The following SEMA6D variants were observed in gnomAD, a reference collection of about 807,000 sequenced individuals.
SEMA6D encodes the protein semaphorin-6D.
Under a neutral mutation model 106.6 loss-of-function variants are expected in SEMA6D, and 35 were observed. That is an observed-to-expected ratio of 0.33 (90% confidence interval 0.25 to 0.44). The LOEUF (loss-of-function observed/expected upper bound fraction) is 0.44. SEMA6D is among the 20% of genes least tolerant of loss of function. SEMA6D has a pLI of 1.00. For synonymous variants in SEMA6D, 499 were observed against 487.7 expected, an observed-to-expected ratio of 1.02 and a Z score of -0.31; for missense variants, 1,185 against 1,345.9, an observed-to-expected ratio of 0.88 and a Z score of 1.87.
At chr15:47,505,168 T>C (rs2043999892) in intron 3 of SEMA6D, among the ~76,000 whole-genome samples, 1 of 152,030 alleles carries the variant, frequency 6.6e-6, no homozygotes, top group South Asian at 2.1e-4. Context: ...GAAAGGACCA[T>C]AAATATGCTC....
intron 1 of SEMA6D, among the ~76,000 whole-genome samples, chr15:47,280,037 C>T: frequency 6.6e-6 from 1 of 150,926 alleles, no homozygotes; most frequent in African/African-American, 2.4e-5. Flanking sequence ...TGATGCTGGC[C>T]TCATAAAATG....
intron 2 of SEMA6D, among the ~76,000 whole-genome samples, chr15:47,414,978 C>A (rs566533581): frequency 6.6e-6 from 1 of 152,220 alleles, no homozygotes; most frequent in East Asian, 1.9e-4. Flanking sequence ...TTACTCTATT[C>A]TCTGTAGACT....
In SEMA6D at chr15:47,325,242, C is replaced by T. The variant is rs1004004320; in HGVS notation, c.-238-87151C>T. Reference sequence around the variant, plus strand: ...AGGCTGGAGTGCAGTGGCGCCATCTCGGCTCACTGCAACCTCCACCTCCCG... The same window carrying T: ...AGGCTGGAGTGCAGTGGCGCCATCTTGGCTCACTGCAACCTCCACCTCCCG... On this transcript the variant is annotated intron_variant, in intron 1 of 19. Coordinates refer to the SEMA6D transcript ENST00000558014. 5.8e-4 allele frequency among the ~76,000 whole-genome samples: 88 copies of T among 151,720 alleles called. 1 individual carries two copies. Among genetic ancestry groups the T allele is most frequent in the Middle Eastern group, 3.2e-3 (1 of 312 alleles).
intron 1 of SEMA6D, among the ~76,000 whole-genome samples, chr15:47,745,201 G>A (rs2147156525): frequency 6.6e-6 from 1 of 152,304 alleles, no homozygotes; most frequent in South Asian, 2.1e-4. Flanking sequence ...CCTTGAACAG[G>A]CTTCCTGGTA....
intron 1 of SEMA6D, among the ~76,000 whole-genome samples, chr15:47,271,410 A>G (rs969638959): frequency 6.6e-6 from 1 of 152,346 alleles, no homozygotes; most frequent in Non-Finnish European, 1.5e-5. Context: ...AGCTGTGTCT[A>G]GGTAAATAAA....
chr15:47,225,511 T>C (rs1277770459), intron 1 of SEMA6D, among the ~76,000 whole-genome samples: 2 of 148,924 alleles, frequency 1.3e-5, no homozygotes. Context: ...GTTTTTTTCT[T>C]GTTGAGGGTT....
At chr15:47,482,175 A>G (rs570390677) in intron 3 of SEMA6D, among the ~76,000 whole-genome samples, 10 of 152,180 alleles carry the variant, frequency 6.6e-5, no homozygotes, top group Non-Finnish European at 1.2e-4. Flanking sequence ...TTTTGACATA[A>G]TGACAACAGG....
chr15:47,320,259 GCTT>G (rs1479309886), intron 1 of SEMA6D, among the ~76,000 whole-genome samples: 1 of 152,080 alleles, frequency 6.6e-6, no homozygotes, highest in Non-Finnish European at 1.5e-5. Context: ...GACCTCATGA[GCTT>G]CTTCTCTGCA....
At chr15:47,583,530 A>C (rs1358812672) in intron 3 of SEMA6D, among the ~76,000 whole-genome samples, 2 of 152,168 alleles carry the variant, frequency 1.3e-5, no homozygotes, top group East Asian at 3.9e-4. Context: ...GGCGGTCTCC[A>C]GGAGCCACGT....
rs533612556 is a variant in SEMA6D, at chr15:47,596,736, A to G, written c.-86-4129A>G. 3.3e-5 allele frequency among the ~76,000 whole-genome samples: 5 copies of G among 152,210 alleles called. No homozygotes were observed. In the South Asian group the frequency reaches 1.0e-3, roughly 32 times the overall value. ...AAAACTGGATATCCATATGCAGAAG[A>G]ATGAAACTAGACCCATATCTCTCTC... On this transcript the variant is annotated intron_variant, in intron 3 of 19. Coordinates refer to the SEMA6D transcript ENST00000558014.
chr15:47,206,335 C>T (rs1017655744), intron 1 of SEMA6D, among the ~76,000 whole-genome samples: 4 of 152,108 alleles, frequency 2.6e-5, no homozygotes, highest in South Asian at 2.1e-4. Flanking sequence ...ACAGGTTGGT[C>T]GTGTTGATTT....
chr15:47,237,244 T>A (rs933614162), intron 1 of SEMA6D, among the ~76,000 whole-genome samples: 1 of 152,160 alleles, frequency 6.6e-6, no homozygotes, highest in African/African-American at 2.4e-5. Flanking sequence ...ATTTAATAAG[T>A]TCTATTACAG....
chr15:47,296,524 A>G (rs2035807751), intron 1 of SEMA6D, among the ~76,000 whole-genome samples: 1 of 152,230 alleles, frequency 6.6e-6, no homozygotes, highest in Non-Finnish European at 1.5e-5. Flanking sequence ...AAGCCTGTGT[A>G]GGTGAAACAG....
At chr15:47,234,582 A>G (rs2032419640) in intron 1 of SEMA6D, among the ~76,000 whole-genome samples, 1 of 151,986 alleles carries the variant, frequency 6.6e-6, no homozygotes, top group Admixed American at 6.6e-5. Flanking sequence ...CCCACTTGTA[A>G]GTGAGAACAT....
At chr15:47,302,656 C>G (rs1000910978) in intron 1 of SEMA6D, among the ~76,000 whole-genome samples, 1 of 152,054 alleles carries the variant, frequency 6.6e-6, no homozygotes, top group Non-Finnish European at 1.5e-5. Flanking sequence ...ATTACAGAAG[C>G]AACGCTAGAG....
intron 3 of SEMA6D, chr15:47,581,249 G>T: frequency 2.5e-6 from 1 of 406,016 alleles, no homozygotes. Context: ...TGCATGTTGG[G>T]CCCCCAACCC....
At chr15:47,364,909 T>G (rs1385177087) in intron 1 of SEMA6D, among the ~76,000 whole-genome samples, 1 of 151,998 alleles carries the variant, frequency 6.6e-6, no homozygotes, top group Non-Finnish European at 1.5e-5. Context: ...CACTCCAAAG[T>G]GCAAAAATAA....
At position 47,772,357 on chromosome 15, in the gene SEMA6D, C is replaced by CATGTGTGTGT. The variant is rs369451587; in HGVS notation, c.*572_*573insATGTGTGTGT. On this transcript the variant is annotated 3_prime_UTR_variant, in exon 19 of 19. Coordinates refer to ENST00000536845, the MANE Select transcript of SEMA6D (RefSeq NM_001358351.3). ...CACCAACAAACTTGTTGTGTGTGTG[C>CATGTGTGTGT]GTGTGTGTGTGTGTGTGTGTGTGTG... The CATGTGTGTGT allele has an allele frequency of 1.4e-5, 2 of 141,638 alleles. No individual in the cohort carries two copies. The highest frequency in any genetic ancestry group is 5.4e-5 in the African/African-American group (2 of 37,124). The allele number at this position is 141,638 out of a possible 1,614,324, so 8.8% of individuals were successfully genotyped here.
chr15:47,585,601 G>T (rs1214517239), intron 3 of SEMA6D, among the ~76,000 whole-genome samples: 1 of 152,092 alleles, frequency 6.6e-6, no homozygotes, highest in Non-Finnish European at 1.5e-5. Flanking sequence ...GCCTCCAATA[G>T]CTCAACCAAG....
Sources: allele counts gnomAD v4.1 joint callset (sites outside exome capture counted in the v4.1 genomes callset), GRCh38; gene constraint gnomAD v4.1.1; transcripts MANE v1.5; gene names NCBI Gene and HGNC (gene_info 2026-07-23, HGNC 2026-07-21).